The following KATNAL2 variants were observed in gnomAD, a reference collection of about 807,000 sequenced individuals.
KATNAL2 encodes katanin p60 ATPase-containing subunit A-like 2.
In KATNAL2, 52 loss-of-function variants were observed where a neutral mutation model predicts 76.3. That is an observed-to-expected ratio of 0.68 (90% CI 0.55 to 0.86). The LOEUF (loss-of-function observed/expected upper bound fraction) is 0.86, where lower values mean the gene tolerates loss of function less well. KATNAL2 is among the 40% of genes least tolerant of loss of function. The probability of loss-of-function intolerance (pLI) is 0.00; values close to 1 mark genes in which losing one functional copy is unlikely to be tolerated. For missense variants in KATNAL2, 660 were observed against 668.9 expected (o/e 0.99, Z 0.15); for synonymous variants, 243 against 244.2 (o/e 1.00, Z 0.05).
intron 3 of KATNAL2, chr18:47,033,909 T>C (rs1378058643): frequency 6.2e-7 from 1 of 1,613,066 alleles, no homozygotes; most frequent in Non-Finnish European, 8.5e-7. Context: ...TGGGCACCGT[T>C]TTCGGCCCGG....
At chr18:46,956,079 A>G (rs2146747719) in intron 3 of KATNAL2, among the ~76,000 whole-genome samples, 1 of 152,352 alleles carries the variant, frequency 6.6e-6, no homozygotes, top group Non-Finnish European at 1.5e-5. Context: ...ATTGATTTCA[A>G]GCTAGGCATT....
rs10714256 is a variant in KATNAL2, at chr18:46,922,101, C to CT, written c.-510+4192dup. Among the ~76,000 whole-genome samples the CT allele has an allele frequency of 3.3e-3, 465 of 140,898 alleles. 1 individual carries two copies. Among genetic ancestry groups the CT allele is most frequent in the South Asian group, 0.011 (48 of 4,412 alleles). The allele number at this position is 140,898 out of a possible 152,430, so 92.4% of individuals were successfully genotyped here. The stretch of plus-strand genomic sequence containing the variant: ...GGAATTAAAAAAAAATTTTTCCTCA[C>CT]TTTTTTTTTTTTTTTTTGAGACAGG... On this transcript the variant is annotated intron_variant, in intron 1 of 17. Coordinates refer to ENST00000683218, the MANE Select transcript of KATNAL2 (RefSeq NM_001387690.1).
chr18:46,925,780 C>T (rs140910031), intron 1 of KATNAL2, among the ~76,000 whole-genome samples: 11,543 of 152,126 alleles, frequency 0.076, 568 homozygotes, highest in Non-Finnish European at 0.12. Context: ...TTGGTCTATT[C>T]AGAGATTCAA....
intron 10 of KATNAL2, among the ~76,000 whole-genome samples, 148 bp from the exon 11 acceptor site, chr18:47,066,847 TTATATATATATATATATATATATATA>T (rs56018747): frequency 3.4e-4 from 10 of 29,584 alleles, no homozygotes; most frequent in Middle Eastern, 0.024. Flanking sequence ...ATATATGTGT[TTATATATATATATATATATATATATA>T]TATATATATA....
At position 46,946,115 on chromosome 18, in the gene KATNAL2, G is replaced by A. The variant is rs1158778933; in HGVS notation, c.-451G>A. The A allele has an allele frequency of 1.6e-6, 1 of 631,804 alleles. No individual in the cohort carries two copies. Among genetic ancestry groups the A allele is most frequent in the African/African-American group, 2.0e-5 (1 of 50,154 alleles). The allele number at this position is 631,804 out of a possible 1,614,324, so 39.1% of individuals were successfully genotyped here. On this transcript the variant is annotated 5_prime_UTR_variant, in exon 2 of 18. An upstream open reading frame in the 5' UTR gains an earlier in-frame stop. Coordinates refer to ENST00000683218, the MANE Select transcript of KATNAL2 (RefSeq NM_001387690.1). Reference sequence around the variant, plus strand: ...GGGAGAAATGGATGAAGAAGAAATGGATGAAGAAGACCGAAGATAATGATG... The same window carrying A: ...GGGAGAAATGGATGAAGAAGAAATGAATGAAGAAGACCGAAGATAATGATG...
intron 11 of KATNAL2, among the ~76,000 whole-genome samples, chr18:47,068,278 T>C (rs371571620): frequency 2.6e-5 from 4 of 152,196 alleles, no homozygotes; most frequent in African/African-American, 9.6e-5. Context: ...GAATAACCTA[T>C]TTAGTCTTAA....
At chr18:47,031,303 G>C (rs556811081) in intron 3 of KATNAL2, among the ~76,000 whole-genome samples, 1 of 151,466 alleles carries the variant, frequency 6.6e-6, no homozygotes, top group African/African-American at 2.4e-5. Flanking sequence ...CTTTCAGTCC[G>C]AATGAGGAAA....
At chr18:47,078,005 TAGGGAA>T (rs2062321006) in intron 15 of KATNAL2, among the ~76,000 whole-genome samples, 1 of 152,196 alleles carries the variant, frequency 6.6e-6, no homozygotes, top group African/African-American at 2.4e-5. Flanking sequence ...AGATGTTGAT[TAGGGAA>T]AAACAATATC....
chr18:46,961,141 G>A (rs922845565), intron 3 of KATNAL2, among the ~76,000 whole-genome samples: 1 of 152,216 alleles, frequency 6.6e-6, no homozygotes, highest in African/African-American at 2.4e-5. Flanking sequence ...TTAGGTCAGG[G>A]GTAGATTTTT....
At chr18:47,090,763 A>G (rs2062967591) in intron 15 of KATNAL2, among the ~76,000 whole-genome samples, 1 of 152,168 alleles carries the variant, frequency 6.6e-6, no homozygotes, top group South Asian at 2.1e-4. Context: ...AGAAACTCAG[A>G]ACTAGGATGG....
chr18:46,951,409 ATT>A (rs57801829), intron 3 of KATNAL2, among the ~76,000 whole-genome samples: 6,025 of 137,194 alleles, frequency 0.044, 134 homozygotes, highest in African/African-American at 0.077. Flanking sequence ...TCTAAGTCTG[ATT>A]TTTTTTTTTT....
At chr18:46,919,610 T>C (rs1400500461) in intron 1 of KATNAL2, among the ~76,000 whole-genome samples, 1 of 152,150 alleles carries the variant, frequency 6.6e-6, no homozygotes, top group Non-Finnish European at 1.5e-5. Flanking sequence ...GATCGCACCA[T>C]TGCACTCCAG....
intron 1 of KATNAL2, among the ~76,000 whole-genome samples, chr18:46,921,210 C>G (rs2058521062): frequency 6.6e-6 from 1 of 152,188 alleles, no homozygotes; most frequent in African/African-American, 2.4e-5. Context: ...TCACTGCAAC[C>G]TCTGCCCCCC....
intron 15 of KATNAL2, among the ~76,000 whole-genome samples, chr18:47,088,737 G>C (rs572064653): frequency 2.6e-5 from 4 of 152,102 alleles, no homozygotes; most frequent in Non-Finnish European, 4.4e-5. Context: ...CTAGTGTTTT[G>C]TAATTTTAGA....
chr18:47,090,840 C>T (rs114663047), intron 15 of KATNAL2, among the ~76,000 whole-genome samples: 2,481 of 152,200 alleles, frequency 0.016, 66 homozygotes, highest in African/African-American at 0.057. Flanking sequence ...AGGTGGGGGA[C>T]AGCTGATGCT....
Position 47,084,847 on chromosome 18 carries a change from T to TAA in KATNAL2, c.1211+7413_1211+7414dup, listed in dbSNP as rs34034453. 3.3e-3 allele frequency among the ~76,000 whole-genome samples: 84 copies of TAA among 25,532 alleles called. 17 individuals carry two copies. The highest frequency in any genetic ancestry group is 0.013 in the African/African-American group (74 of 5,532). 16.7% of individuals were successfully genotyped at this position (25,532 alleles called of 152,430 possible). A position where few individuals can be genotyped will look rare whatever the true frequency, so the allele number is the denominator to read the frequency against. On this transcript the variant is annotated intron_variant, in intron 15 of 17. Transcript: ENST00000683218. ...CTGGATGACAGAGCAAGACTCTGTC[T>TAA]AAAAAAAAAAAAAAAAAAAAAAAAA...
At chr18:46,956,614 C>G (rs763108919) in intron 3 of KATNAL2, among the ~76,000 whole-genome samples, 37 of 152,184 alleles carry the variant, frequency 2.4e-4, no homozygotes, top group Non-Finnish European at 4.7e-4. Flanking sequence ...TTTCTTCCCC[C>G]CATCCCAGTA....
At chr18:47,034,428 G>A in intron 3 of KATNAL2, 1 of 1,614,118 alleles carries the variant, frequency 6.2e-7, no homozygotes, top group South Asian at 1.1e-5. Flanking sequence ...TGTCTGTCTT[G>A]AAGTCCGAAG....
chr18:47,099,551 C>CGAA (rs1440664658), intron 16 of KATNAL2, 146 bp downstream of exon 16: 6 of 688,142 alleles, frequency 8.7e-6, no homozygotes, highest in Non-Finnish European at 1.2e-5. Flanking sequence ...GGCATCTTCA[C>CGAA]GAAGAATAAG....
Sources: allele counts gnomAD v4.1 joint callset (sites outside exome capture counted in the v4.1 genomes callset), GRCh38; gene constraint gnomAD v4.1.1; transcripts MANE v1.5; gene names NCBI Gene and HGNC (gene_info 2026-07-23, HGNC 2026-07-21).